The following RPTOR variants were observed in gnomAD, a reference collection of about 807,000 sequenced individuals.
RPTOR encodes the protein regulatory associated protein of MTOR complex 1.
A neutral mutation model predicts 169.9 loss-of-function variants in RPTOR; 21 were observed. That is an observed-to-expected ratio of 0.12 (90% CI 0.09 to 0.18). The LOEUF is 0.18. RPTOR is among the 10% of genes least tolerant of loss of function. The pLI is 1.00. For synonymous variants in RPTOR, 732 were observed against 753.2 expected (o/e 0.97, Z 0.46); for missense variants, 1,133 against 1,855.9 (o/e 0.61, Z 7.16).
chr17:80,962,678 G>A (rs2069360250), intron 32 of RPTOR, 101 bp downstream of exon 32: 8 of 1,194,698 alleles, frequency 6.7e-6, no homozygotes, highest in East Asian at 2.4e-5. Flanking sequence ...CTGAAGGAGG[G>A]CAGGGGAGGA....
intron 23 of RPTOR, among the ~76,000 whole-genome samples, 158 bp from the exon 24 acceptor site, chr17:80,925,212 G>A (rs1353635739): frequency 2.6e-5 from 4 of 152,234 alleles, no homozygotes; most frequent in Non-Finnish European, 5.9e-5. Flanking sequence ...TGGTCACCAG[G>A]ATACGGAAGT....
chr17:80,618,531 A>G (rs1391656129), intron 1 of RPTOR, among the ~76,000 whole-genome samples: 3 of 152,196 alleles, frequency 2.0e-5, no homozygotes, highest in Non-Finnish European at 4.4e-5. Context: ...CACGTGTGCG[A>G]AGGTCGCCGT....
At chr17:80,946,410 A>T (rs1332573616) in intron 26 of RPTOR, among the ~76,000 whole-genome samples, 2 of 152,218 alleles carry the variant, frequency 1.3e-5, no homozygotes, top group Non-Finnish European at 2.9e-5. Flanking sequence ...TTGTTATGCA[A>T]CCATCACCCC....
rs1421658000 is a variant in RPTOR, at chr17:80,721,578, C to A, written c.508-8982C>A. 6.6e-6 allele frequency among the ~76,000 whole-genome samples: 1 copy of A among 151,306 alleles called. No individual in the cohort carries two copies. The highest frequency in any genetic ancestry group is 1.5e-5 in the Non-Finnish European group (1 of 68,022). ...TGCAGGAGCATCCTTTGGGCTCTTA[C>A]CTCAGTCGGTGGGGCTGGGCAGCTG... On this transcript the variant is annotated intron_variant, in intron 4 of 33. Coordinates refer to ENST00000306801, the MANE Select transcript of RPTOR (RefSeq NM_020761.3). This position sits in a 1 kb window ranked among gnomAD's most constrained non-coding sequence, Gnocchi z 4.7.
chr17:80,965,987 G>A lies in RPTOR; in HGVS notation c.*1657G>A, dbSNP rs2069423579. 4.3e-6 allele frequency: 1 copy of A among 233,312 alleles called. No individual in the cohort carries two copies. Among genetic ancestry groups the A allele is most frequent in the Admixed American group, 5.6e-5 (1 of 17,786 alleles). 14.5% of individuals were successfully genotyped at this position (233,312 alleles called of 1,614,324 possible). A position where few individuals can be genotyped will look rare whatever the true frequency, so the allele number is the denominator to read the frequency against. On this transcript the variant is annotated 3_prime_UTR_variant, in exon 34 of 34. Coordinates refer to ENST00000306801, the MANE Select transcript of RPTOR (RefSeq NM_020761.3). ...GCGGCAACACCAGAATCTTCCAGAA[G>A]CCCAGCTCCACCCGCACACGCAGCT...
At chr17:80,661,530 G>T (rs1331668625) in intron 3 of RPTOR, among the ~76,000 whole-genome samples, 2 of 152,172 alleles carry the variant, frequency 1.3e-5, no homozygotes, top group East Asian at 3.9e-4. Flanking sequence ...ATGAGTTGGG[G>T]AGACCTGGTG....
At chr17:80,880,167 G>T (rs116273743) in intron 13 of RPTOR, among the ~76,000 whole-genome samples, 1 of 152,174 alleles carries the variant, frequency 6.6e-6, no homozygotes, top group Non-Finnish European at 1.5e-5. Flanking sequence ...GTGCCCGGAC[G>T]TTGTGAAAGA....
chr17:80,800,462 A>G (rs1354033367), intron 7 of RPTOR, among the ~76,000 whole-genome samples: 1 of 152,224 alleles, frequency 6.6e-6, no homozygotes, highest in African/African-American at 2.4e-5. Flanking sequence ...TGGAGAGAAG[A>G]TCGGGCAGTT....
Position 80,803,619 on chromosome 17 carries a change from G to C in RPTOR, c.890+12110G>C, listed in dbSNP as rs756138257. The stretch of plus-strand genomic sequence containing the variant: ...CTCGAGCGCACTTTTCAGACCCCGC[G>C]TGTGTTTCTCAGCACGTTTGTTCAT... On this transcript the variant is annotated intron_variant, in intron 7 of 33. Transcript: ENST00000306801. The surrounding 1 kb of genome is among the most constrained non-coding windows in gnomAD (Gnocchi z 6.2). 6.6e-6 allele frequency: 1 copy of C among 152,252 alleles called. No homozygotes were observed. Among genetic ancestry groups the C allele is most frequent in the African/African-American group, 2.4e-5 (1 of 41,442 alleles). 9.4% of individuals were successfully genotyped at this position (152,252 alleles called of 1,614,324 possible).
intron 1 of RPTOR, among the ~76,000 whole-genome samples, chr17:80,597,201 T>C (rs1277575492): frequency 6.6e-6 from 1 of 152,250 alleles, no homozygotes; most frequent in East Asian, 1.9e-4. Context: ...AGGTGCAGAA[T>C]GGTTGGGAGA....
chr17:80,895,208 ACCCGGCCC>A (rs964091128), intron 20 of RPTOR, among the ~76,000 whole-genome samples: 1 of 152,140 alleles, frequency 6.6e-6, no homozygotes, highest in Non-Finnish European at 1.5e-5. Flanking sequence ...GCCCCAGCCT[ACCCGGCCC>A]CCAGCCTGGG....
At chr17:80,612,396 G>A (rs763816280) in intron 1 of RPTOR, among the ~76,000 whole-genome samples, 6 of 152,152 alleles carry the variant, frequency 3.9e-5, no homozygotes, top group Non-Finnish European at 8.8e-5. Flanking sequence ...CTCCCAAAGT[G>A]CTAGGATTGC....
At chr17:80,773,187 C>T (rs1434028200) in intron 6 of RPTOR, among the ~76,000 whole-genome samples, 1 of 152,246 alleles carries the variant, frequency 6.6e-6, no homozygotes, top group Non-Finnish European at 1.5e-5. Flanking sequence ...CACCACCACT[C>T]TTGGGACAGG....
At chr17:80,643,292 T>A (rs568141420) in intron 2 of RPTOR, among the ~76,000 whole-genome samples, 1 of 152,120 alleles carries the variant, frequency 6.6e-6, no homozygotes, top group Non-Finnish European at 1.5e-5. Context: ...AGATGAAAAT[T>A]AATTAAAAAG....
At chr17:80,719,667 G>T (rs1268169294) in intron 4 of RPTOR, among the ~76,000 whole-genome samples, 1 of 152,130 alleles carries the variant, frequency 6.6e-6, no homozygotes, top group Admixed American at 6.5e-5. Flanking sequence ...TCCTGAAGGG[G>T]GTTCTTGAAT....
intron 1 of RPTOR, among the ~76,000 whole-genome samples, chr17:80,547,386 C>T (rs531739298): frequency 6.6e-6 from 1 of 152,232 alleles, no homozygotes; most frequent in African/African-American, 2.4e-5. Flanking sequence ...CTGTCCTAAA[C>T]CTATGTTCCA....
intron 1 of RPTOR, among the ~76,000 whole-genome samples, chr17:80,597,614 G>A (rs546577371): frequency 6.6e-6 from 1 of 151,944 alleles, no homozygotes; most frequent in Non-Finnish European, 1.5e-5. Flanking sequence ...GCAACCTCTG[G>A]CTCCTGGCTC....
chr17:80,665,453 C>CT (rs2065764985), intron 3 of RPTOR, among the ~76,000 whole-genome samples: 1 of 25,428 alleles, frequency 3.9e-5, no homozygotes. Flanking sequence ...CTTTCCTTTC[C>CT]TTTCCTTTCC....
chr17:80,623,211 G>C (rs2065368186), intron 1 of RPTOR, among the ~76,000 whole-genome samples: 1 of 152,098 alleles, frequency 6.6e-6, no homozygotes, highest in Non-Finnish European at 1.5e-5. Context: ...CAGGAGGAAT[G>C]ATCTATTGGA....
Sources: allele counts gnomAD v4.1 joint callset (sites outside exome capture counted in the v4.1 genomes callset), GRCh38; gene constraint gnomAD v4.1.1; non-coding constraint Gnocchi (gnomAD v3.1); transcripts MANE v1.5; gene names NCBI Gene and HGNC (gene_info 2026-07-23, HGNC 2026-07-21).